SORCS1: variants seen among roughly 807,000 people sequenced by gnomAD.
SORCS1 encodes the protein sortilin related VPS10 domain containing receptor 1, also known as VPS10 domain-containing receptor SorCS1.
In SORCS1, 60 loss-of-function variants were observed where a neutral mutation model predicts 146.1. The ratio of observed to expected loss-of-function variants is 0.41; its 90% confidence interval spans 0.33 to 0.51. The LOEUF is 0.51. SORCS1 is among the 20% of genes least tolerant of loss of function. The probability of loss-of-function intolerance (pLI) is 0.21; values close to 1 mark genes in which losing one functional copy is unlikely to be tolerated. For missense variants in SORCS1, 1,352 were observed against 1,487.6 expected (o/e 0.91, Z 1.50); for synonymous variants, 637 against 584.0 (o/e 1.09, Z -1.31).
chr10:106,906,302 A>G (rs1951906678), intron 2 of SORCS1, among the ~76,000 whole-genome samples: 2 of 152,188 alleles, frequency 1.3e-5, no homozygotes, highest in Admixed American at 1.3e-4. Flanking sequence ...TTTCGAAGAG[A>G]CAGGATTTGC....
chr10:106,639,761 C>T (rs1048459454), intron 18 of SORCS1, among the ~76,000 whole-genome samples: 15 of 152,150 alleles, frequency 9.9e-5, no homozygotes, highest in East Asian at 1.9e-4. Context: ...GAGGCATCTA[C>T]GTCAGAACTA....
intron 6 of SORCS1, among the ~76,000 whole-genome samples, chr10:106,725,864 GA>G (rs1856117932): frequency 2.0e-5 from 1 of 50,738 alleles, no homozygotes; most frequent in African/African-American, 7.2e-5. Context: ...CCAGGGGGCA[GA>G]GGTTGCAGTG....
intron 1 of SORCS1, among the ~76,000 whole-genome samples, chr10:107,026,920 GC>G (rs1958430993): frequency 6.6e-6 from 1 of 151,458 alleles, no homozygotes; most frequent in Non-Finnish European, 1.5e-5. Flanking sequence ...TGAGAGCATT[GC>G]TTAAAGGGAC....
intron 1 of SORCS1, among the ~76,000 whole-genome samples, chr10:106,980,163 G>A (rs1279414344): frequency 6.6e-6 from 1 of 152,090 alleles, no homozygotes; most frequent in Non-Finnish European, 1.5e-5. Context: ...AACCAAGAAG[G>A]AAAACAAACA....
chr10:107,084,183 C>T (rs1963579164), intron 1 of SORCS1, among the ~76,000 whole-genome samples: 1 of 144,902 alleles, frequency 6.9e-6, no homozygotes, highest in Admixed American at 7.0e-5. Flanking sequence ...GCAAGCTCTG[C>T]CTCCTGGGTT....
In SORCS1 at chr10:106,688,121, T is replaced by G. The variant is rs535559186; in HGVS notation, c.1560+71A>C. On this transcript the variant is annotated intron_variant, in intron 10 of 25. Transcript: ENST00000263054. Reference sequence around the variant, plus strand: ...CTGAGCAAAAGTCCCAGAACTATCCTCACCCTCTGTTAAATATCCATTTCC... The same window carrying G: ...CTGAGCAAAAGTCCCAGAACTATCCGCACCCTCTGTTAAATATCCATTTCC... The G allele has an allele frequency of 1.9e-6, 3 of 1,558,512 alleles. 1 individual carries two copies. In the South Asian group the frequency reaches 3.7e-5, roughly 19 times the overall value.
intron 1 of SORCS1, among the ~76,000 whole-genome samples, chr10:107,107,204 A>G (rs1317201577): frequency 1.3e-5 from 2 of 152,222 alleles, no homozygotes; most frequent in African/African-American, 4.8e-5. Context: ...GCTGTAAAGA[A>G]CCTTTAAAAG....
chr10:107,006,888 T>G (rs1957468423), intron 1 of SORCS1, among the ~76,000 whole-genome samples: 1 of 150,760 alleles, frequency 6.6e-6, no homozygotes, highest in Non-Finnish European at 1.5e-5. Context: ...TCTCATTCCT[T>G]TTAAATTTAT....
intron 1 of SORCS1, among the ~76,000 whole-genome samples, chr10:107,085,456 C>G (rs1963685344): frequency 6.6e-6 from 1 of 152,162 alleles, no homozygotes; most frequent in African/African-American, 2.4e-5. Flanking sequence ...ATGATTAGAG[C>G]TCATTTTGCA....
chr10:107,046,472 A>G (rs185685215), intron 1 of SORCS1, among the ~76,000 whole-genome samples: 17 of 152,174 alleles, frequency 1.1e-4, no homozygotes, highest in African/African-American at 4.1e-4. Context: ...ATCTATATAA[A>G]TACAATCAAA....
chr10:106,933,225 T>A (rs1953508509), intron 2 of SORCS1, among the ~76,000 whole-genome samples: 1 of 152,126 alleles, frequency 6.6e-6, no homozygotes, highest in Admixed American at 6.5e-5. Context: ...AGAAAAATAA[T>A]GGGCCAAAGT....
intron 1 of SORCS1, among the ~76,000 whole-genome samples, chr10:107,000,104 T>TC (rs1440634107): frequency 6.6e-6 from 1 of 152,130 alleles, no homozygotes; most frequent in Non-Finnish European, 1.5e-5. Context: ...CATCACCCTC[T>TC]CCCCATCAGC....
intron 2 of SORCS1, among the ~76,000 whole-genome samples, chr10:106,925,807 C>T (rs1436613683): frequency 6.6e-6 from 1 of 152,004 alleles, no homozygotes; most frequent in Admixed American, 6.6e-5. Context: ...ACACTAGAGC[C>T]CAACGGAGGG....
intron 6 of SORCS1, 133 bp from the exon 7 acceptor site, chr10:106,709,474 A>C (rs1197757147): frequency 2.4e-6 from 1 of 421,474 alleles, no homozygotes; most frequent in Non-Finnish European, 4.0e-6. Context: ...TTTGAGATGG[A>C]GTCTCGCTCT....
intron 2 of SORCS1, among the ~76,000 whole-genome samples, chr10:106,834,444 C>A (rs117444412): frequency 6.6e-6 from 1 of 151,892 alleles, no homozygotes; most frequent in Non-Finnish European, 1.5e-5. Flanking sequence ...ATATTTCATG[C>A]GACATTTTCC....
At chr10:106,928,736 C>A (rs1953221874) in intron 2 of SORCS1, among the ~76,000 whole-genome samples, 1 of 152,090 alleles carries the variant, frequency 6.6e-6, no homozygotes, top group Non-Finnish European at 1.5e-5. Context: ...GTGTCCTATT[C>A]TCCCGGGAAG....
At chr10:107,068,350 C>T (rs1037248926) in intron 1 of SORCS1, among the ~76,000 whole-genome samples, 3 of 152,060 alleles carry the variant, frequency 2.0e-5, no homozygotes, top group South Asian at 2.1e-4. Context: ...AAGCAGTGGA[C>T]GATAACAAGG....
intron 2 of SORCS1, among the ~76,000 whole-genome samples, chr10:106,837,623 A>G (rs1003880806): frequency 6.7e-6 from 1 of 150,332 alleles, no homozygotes; most frequent in African/African-American, 2.5e-5. Flanking sequence ...GGTTTCTACA[A>G]CAAATAAATC....
intron 5 of SORCS1, among the ~76,000 whole-genome samples, chr10:106,737,441 T>C (rs1168225927): frequency 1.8e-5 from 1 of 56,582 alleles, no homozygotes; most frequent in African/African-American, 4.1e-5. Context: ...AATATTTTTT[T>C]TAAAGAGGGG....
Sources: gnomAD v4.1 joint callset for allele counts (sites outside exome capture counted in the v4.1 genomes callset) on GRCh38, gnomAD v4.1.1 for gene constraint, MANE v1.5 for transcripts, NCBI Gene and HGNC (gene_info 2026-07-23, HGNC 2026-07-21) for gene names.